Variants in CYFIP2 observed in about 807,000 individuals in gnomAD.
The protein encoded by CYFIP2 is cytoplasmic FMR1-interacting protein 2.
A neutral mutation model predicts 158.7 loss-of-function variants in CYFIP2; 29 were observed. The ratio of observed to expected loss-of-function variants is 0.18; its 90% CI spans 0.14 to 0.25. The LOEUF (loss-of-function observed/expected upper bound fraction) is 0.25. Among genes scored for constraint, CYFIP2 ranks in the 10% least tolerant of loss-of-function variants. CYFIP2 has a pLI of 1.00. For missense variants in CYFIP2, 852 were observed against 1,639.5 expected, an observed-to-expected ratio of 0.52 and a Z score of 8.29; for synonymous variants, 585 against 617.6, an observed-to-expected ratio of 0.95 and a Z score of 0.78.
intron 20 of CYFIP2, 68 bp from the exon 21 acceptor site, chr5:157,333,259 C>T (rs1187251248): frequency 1.0e-5 from 16 of 1,600,548 alleles, no homozygotes; most frequent in Admixed American, 8.4e-5. Context: ...GCTGGGATTA[C>T]AGGCATGAGC....
At chr5:157,374,197 C>T (rs1765250704) in intron 26 of CYFIP2, among the ~76,000 whole-genome samples, 1 of 152,174 alleles carries the variant, frequency 6.6e-6, no homozygotes. Flanking sequence ...TCTCCAAAAG[C>T]CACTGCTGCC....
At chr5:157,340,146 A>G (rs530939618) in intron 22 of CYFIP2, among the ~76,000 whole-genome samples, 179 of 152,366 alleles carry the variant, frequency 1.2e-3, no homozygotes, top group African/African-American at 4.2e-3. Context: ...GACAAGACCT[A>G]ATTTCTTTAT....
intron 8 of CYFIP2, among the ~76,000 whole-genome samples, chr5:157,307,358 A>G (rs1364484773): frequency 6.6e-6 from 1 of 152,214 alleles, no homozygotes; most frequent in Non-Finnish European, 1.5e-5. Flanking sequence ...GATCCTGTTC[A>G]GCTCCTGTCT....
At chr5:157,379,668 CAAAAAAA>C (rs70984468) in intron 26 of CYFIP2, among the ~76,000 whole-genome samples, 2 of 73,654 alleles carry the variant, frequency 2.7e-5, no homozygotes, top group Admixed American at 2.1e-4. Context: ...GACCCTGTCT[CAAAAAAA>C]AAAAAAAAAA....
At chr5:157,325,780 C>G in intron 17 of CYFIP2, 142 bp downstream of exon 17, 1 of 869,436 alleles carries the variant, frequency 1.2e-6, no homozygotes, top group Non-Finnish European at 1.7e-6. Context: ...AGAGCTCAGC[C>G]AGACAGAATC....
At chr5:157,304,174 A>C (rs1759019042) in intron 7 of CYFIP2, 64 bp from the exon 8 acceptor site, 6 of 1,551,838 alleles carry the variant, frequency 3.9e-6, no homozygotes, top group Non-Finnish European at 5.2e-6. Context: ...GGGCTTCTGC[A>C]GGGGTGCAGG....
intron 13 of CYFIP2, among the ~76,000 whole-genome samples, chr5:157,318,987 T>C (rs966998735): frequency 6.6e-6 from 1 of 152,102 alleles, no homozygotes; most frequent in African/African-American, 2.4e-5. Flanking sequence ...AACTTGCCAC[T>C]AGGTAATAGG....
At position 157,276,487 on chromosome 5, in the gene CYFIP2, A is replaced by G. The variant is rs575323092; in HGVS notation, c.-23-8852A>G. On this transcript the variant is annotated intron_variant, in intron 1 of 30. Transcript: ENST00000620254. ...TTCCTGGGATAAATCTCACTTGTTC[A>G]TGATGCATAATCTTTTTTATATGTT... Among the ~76,000 whole-genome samples the G allele has an allele frequency of 4.6e-5, 7 of 152,282 alleles. No individual in the cohort carries two copies. The East Asian group carries it at 1.3e-3, about 29-fold the overall frequency.
intron 1 of CYFIP2, among the ~76,000 whole-genome samples, chr5:157,283,793 A>C (rs1404596482): frequency 6.6e-6 from 1 of 152,178 alleles, no homozygotes; most frequent in Non-Finnish European, 1.5e-5. Flanking sequence ...GCAGGACCTT[A>C]GGTATATTCT....
chr5:157,343,077 C>T, intron 23 of CYFIP2: 1 of 1,614,174 alleles, frequency 6.2e-7, no homozygotes, highest in African/African-American at 1.3e-5. Context: ...CCATTGGCCT[C>T]CTCCATGTGG....
At chr5:157,379,909 TC>T (rs1765885766) in intron 26 of CYFIP2, 1 of 152,180 alleles carries the variant, frequency 6.6e-6, no homozygotes, top group Non-Finnish European at 1.5e-5. Flanking sequence ...TCATTATTAC[TC>T]AAATCAGTCT....
At position 157,337,799 on chromosome 5, in the gene CYFIP2, T is replaced by G. The variant is rs142017363; in HGVS notation, c.2386-1258T>G. ...CTTGCCGATGTTCTTTTAGCCTTTA[T>G]GCTGTAAAGCCATCTTTGCCTTTCA... On this transcript the variant is annotated intron_variant, in intron 21 of 30. Transcript: ENST00000620254. Among the ~76,000 whole-genome samples, 57 of 152,398 alleles carry G rather than the reference T, an allele frequency of 3.7e-4. 1 individual carries two copies. In the East Asian group the frequency reaches 0.01, roughly 27 times the overall value.
At chr5:157,340,835 C>T (rs1388757250) in intron 22 of CYFIP2, among the ~76,000 whole-genome samples, 1 of 152,136 alleles carries the variant, frequency 6.6e-6, no homozygotes, top group Non-Finnish European at 1.5e-5. Context: ...AGCCACAAGC[C>T]CCTGGTTGAG....
intron 23 of CYFIP2, among the ~76,000 whole-genome samples, chr5:157,353,004 G>A (rs538795352): frequency 3.0e-4 from 45 of 152,260 alleles, no homozygotes; most frequent in African/African-American, 7.2e-4. Flanking sequence ...GAAACAGATC[G>A]TCCCCTGCAG....
chr5:157,334,814 A>G (rs995375827), intron 21 of CYFIP2, among the ~76,000 whole-genome samples: 1 of 152,202 alleles, frequency 6.6e-6, no homozygotes, highest in African/African-American at 2.4e-5. Flanking sequence ...GGAATCCTAG[A>G]TTGAATCTTA....
rs74369599 is a variant in CYFIP2 at position 157,392,369 on chromosome 5, C to T, written c.3595-464C>T. On this transcript the variant is annotated intron_variant, in intron 30 of 30. Transcript: ENST00000620254. ...GAATTTCAGTTTAATCTCATGGTTA[C>T]GTCTCTAATCCATTCTGAGTTAATT... 7.5e-3 allele frequency among the ~76,000 whole-genome samples: 1,140 copies of T among 152,272 alleles called. 11 individuals are homozygous for T. The highest frequency in any genetic ancestry group is 0.025 in the African/African-American group (1,034 of 41,546).
At chr5:157,268,144 A>G (rs956171497) in intron 1 of CYFIP2, among the ~76,000 whole-genome samples, 1 of 152,246 alleles carries the variant, frequency 6.6e-6, no homozygotes, top group African/African-American at 2.4e-5. Flanking sequence ...GCCTCTAGCT[A>G]GTTGTGCGCA....
chr5:157,344,729 A>C lies in CYFIP2; in HGVS notation c.2673+3572A>C, dbSNP rs576146814. Among the ~76,000 whole-genome samples, 14 of 152,256 alleles carry C rather than the reference A, an allele frequency of 9.2e-5. No individual in the cohort carries two copies. The South Asian group carries it at 1.2e-3, about 14-fold the overall frequency. On this transcript the variant is annotated intron_variant, in intron 23 of 30. Transcript: ENST00000620254. ...TTGTCTTCCGCCTCTCCTCCCTCACATGAAACCCCGTAGGTTTCATTTTGG... is the reference window on the plus strand; with the variant it reads ...TTGTCTTCCGCCTCTCCTCCCTCACCTGAAACCCCGTAGGTTTCATTTTGG...
At chr5:157,306,909 A>G (rs1010496173) in intron 8 of CYFIP2, among the ~76,000 whole-genome samples, 6 of 150,812 alleles carry the variant, frequency 4.0e-5, no homozygotes, top group African/African-American at 1.2e-4. Context: ...AAAAAAAAAA[A>G]CCGGAAATGC....
Sources: gnomAD v4.1 joint callset for allele counts (sites outside exome capture counted in the v4.1 genomes callset) on GRCh38, gnomAD v4.1.1 for gene constraint, MANE v1.5 for transcripts, NCBI Gene and HGNC (gene_info 2026-07-23, HGNC 2026-07-21) for gene names.